PIWIL1: variants seen among roughly 807,000 people sequenced by gnomAD.
PIWIL1 encodes the protein piwi-like protein 1.
Under a neutral mutation model 114.4 loss-of-function variants are expected in PIWIL1, and 73 were observed. That is an observed-to-expected ratio of 0.64 (90% CI 0.53 to 0.78). The LOEUF is 0.78. PIWIL1 is among the 30% of genes least tolerant of loss of function. PIWIL1 has a pLI of 0.00. For missense variants in PIWIL1, 723 were observed against 1,063.1 expected (o/e 0.68, Z 4.45); for synonymous variants, 375 against 369.0 (o/e 1.02, Z -0.19).
chr12:130,372,879 G>A (rs553091234), downstream of PIWIL1, among the ~76,000 whole-genome samples: 15 of 152,044 alleles, frequency 9.9e-5, no homozygotes, highest in South Asian at 4.2e-4. Context: ...TGTAAATCCC[G>A]GGAACACCTT....
At position 130,337,892 on chromosome 12, in the gene PIWIL1, T is replaced by TGGGCGTATGGCGTACAGACACGAGGC. The variant is rs1317932429; in HGVS notation, c.-266_-241dup. The TGGGCGTATGGCGTACAGACACGAGGC allele has an allele frequency of 2.6e-5, 4 of 153,922 alleles. No homozygotes were observed. In the East Asian group the frequency reaches 5.8e-4, roughly 22 times the overall value. The allele number at this position is 153,922 out of a possible 1,614,324, so 9.5% of individuals were successfully genotyped here. ...GGCGCGCGCCGCTTTCCGCCGTTAC[T>TGGGCGTATGGCGTACAGACACGAGGC]GGGCGTATGGCGTACAGACACGAGG... On this transcript the variant is annotated 5_prime_UTR_variant, in exon 1 of 21. It adds an upstream start codon to the 5' untranslated region. Coordinates refer to ENST00000245255, the MANE Select transcript of PIWIL1 (RefSeq NM_004764.5).
chr12:130,401,587 C>T, the PIWIL1 span, among the ~76,000 whole-genome samples: 2 of 151,884 alleles, frequency 1.3e-5, no homozygotes, highest in African/African-American at 4.8e-5. Flanking sequence ...TTACCTGTGA[C>T]TGCCCTGGGC....
intron 7 of PIWIL1, among the ~76,000 whole-genome samples, chr12:130,348,613 A>T (rs1351943598): frequency 6.6e-6 from 1 of 152,154 alleles, no homozygotes; most frequent in Non-Finnish European, 1.5e-5. Context: ...TTGAAATAAG[A>T]AATAAAAGGC....
the PIWIL1 span, among the ~76,000 whole-genome samples, chr12:130,401,503 AC>A: frequency 6.6e-6 from 1 of 151,840 alleles, no homozygotes; most frequent in African/African-American, 2.4e-5. Context: ...CTGTTCAGCA[AC>A]GCTGCCAGGT....
the PIWIL1 span, chr12:130,414,085 CAG>C: frequency 2.1e-5 from 34 of 1,606,168 alleles, 1 homozygote; most frequent in Middle Eastern, 1.8e-4. Context: ...AGACCCGCCT[CAG>C]GGGCTGATGA....
chr12:130,396,577 G>C, the PIWIL1 span: 8 of 152,588 alleles, frequency 5.2e-5, no homozygotes, highest in African/African-American at 1.9e-4. Context: ...TGTGTATTTG[G>C]GTATGGCATT....
intron 17 of PIWIL1, 49 bp downstream of exon 17, chr12:130,362,885 C>A: frequency 6.2e-7 from 1 of 1,610,226 alleles, no homozygotes; most frequent in Non-Finnish European, 8.5e-7. Flanking sequence ...TGGGGTCTTC[C>A]AGAAATTACC....
Position 130,343,091 on chromosome 12 carries a change from C to G in PIWIL1, c.180C>G (p.Ala60=). 1.2e-6 allele frequency: 2 copies of G among 1,611,754 alleles called. No individual in the cohort carries two copies. Among genetic ancestry groups the G allele is most frequent in the Admixed American group, 3.3e-5 (2 of 59,868 alleles). Residue 60 remains alanine (A), a synonymous_variant, in exon 3 of 21, where the codon GCC becomes GCG. Transcript: ENST00000245255. The stretch of plus-strand genomic sequence containing the variant: ...AGAGAGGAACAGCAGGAGGAACAGC[C>G]AAGTCACAAGGTGAAGAGAAAGTAA... ...GRQRGTAGGT[A]KSQGLQISAG... is the part of the protein sequence containing the mutation.
At chr12:130,424,637 G>T in the PIWIL1 span, 1 of 1,231,944 alleles carries the variant, frequency 8.1e-7, no homozygotes. This position sits in a 1 kb window ranked among gnomAD's most constrained non-coding sequence, Gnocchi z 9.8. Flanking sequence ...AGCCCCGAGG[G>T]GCCTCGTCGC....
In PIWIL1 at chr12:130,342,801, T is replaced by C. The variant is rs963329434; in HGVS notation, c.78+132T>C. 1.0e-5 allele frequency: 8 copies of C among 770,418 alleles called. No homozygotes were observed. In the African/African-American group the frequency reaches 1.4e-4, roughly 13 times the overall value. The allele number at this position is 770,418 out of a possible 1,614,324, so 47.7% of individuals were successfully genotyped here. A position where few individuals can be genotyped will look rare whatever the true frequency, so the allele number is the denominator to read the frequency against. On this transcript the variant is annotated intron_variant, in intron 2 of 20. Transcript: ENST00000245255. ...GCAAGGGAGATCATGCCCTGTTTCC[T>C]CAGGATATTAGAAGCTGATTCGTGA...
the PIWIL1 span, among the ~76,000 whole-genome samples, chr12:130,392,315 A>ATG: frequency 9.2e-6 from 1 of 108,264 alleles, no homozygotes; most frequent in East Asian, 2.5e-4. Context: ...CACCGTCATC[A>ATG]TGTGTCCGTC....
At chr12:130,380,623 TG>T in the PIWIL1 span, among the ~76,000 whole-genome samples, 1 of 152,230 alleles carries the variant, frequency 6.6e-6, no homozygotes, top group Non-Finnish European at 1.5e-5. Flanking sequence ...TTTGAAGGCA[TG>T]TTGTTAGCTG....
chr12:130,369,180 G>C (rs749128337), intron 19 of PIWIL1, among the ~76,000 whole-genome samples: 2 of 152,160 alleles, frequency 1.3e-5, no homozygotes, highest in Non-Finnish European at 2.9e-5. Flanking sequence ...AGTTTGCTGA[G>C]GATAACGGCT....
the PIWIL1 span, among the ~76,000 whole-genome samples, chr12:130,404,624 A>G: frequency 6.6e-6 from 1 of 152,242 alleles, no homozygotes; most frequent in Non-Finnish European, 1.5e-5. Context: ...AGATATATAA[A>G]GGATGCGTAA....
At chr12:130,400,670 A>G in the PIWIL1 span, among the ~76,000 whole-genome samples, 11 of 152,228 alleles carry the variant, frequency 7.2e-5, no homozygotes, top group African/African-American at 2.7e-4. Flanking sequence ...TGTGCAGTGA[A>G]GGACACAGCA....
chr12:130,380,742 G>A, the PIWIL1 span, among the ~76,000 whole-genome samples: 1 of 152,154 alleles, frequency 6.6e-6, no homozygotes, highest in East Asian at 1.9e-4. Flanking sequence ...AGATAAAAGG[G>A]CCTTAAGTAA....
At chr12:130,387,567 A>C in the PIWIL1 span, among the ~76,000 whole-genome samples, 1 of 78,544 alleles carries the variant, frequency 1.3e-5, no homozygotes, top group Non-Finnish European at 2.5e-5. Context: ...GTCTCCATTC[A>C]CCCATGCACA....
the PIWIL1 span, chr12:130,407,926 G>T: frequency 2.8e-6 from 3 of 1,079,802 alleles, no homozygotes; most frequent in Non-Finnish European, 4.3e-6. Flanking sequence ...CAATACAGCC[G>T]AGACCTGGCA....
chr12:130,361,147 T>A (rs1351261403), intron 14 of PIWIL1, 33 bp from the exon 15 acceptor site: 6 of 1,604,982 alleles, frequency 3.7e-6, no homozygotes, highest in Non-Finnish European at 5.1e-6. Flanking sequence ...ATCTGTCTCC[T>A]AATTCTTTGT....
Sources: allele counts gnomAD v4.1 joint callset (sites outside exome capture counted in the v4.1 genomes callset), GRCh38; gene constraint gnomAD v4.1.1; non-coding constraint Gnocchi (gnomAD v3.1); transcripts MANE v1.5; gene names NCBI Gene and HGNC (gene_info 2026-07-23, HGNC 2026-07-21).